ACVR2B: variants seen among roughly 807,000 people sequenced by gnomAD.
ACVR2B encodes activin A receptor type 2B.
In ACVR2B, 18 loss-of-function variants were observed where a neutral mutation model predicts 65.1. That is an observed-to-expected ratio of 0.28 (90% CI 0.19 to 0.41). The LOEUF is 0.41. Ranked by LOEUF, ACVR2B falls within the 10% of genes least tolerant of loss-of-function variation. ACVR2B has a pLI of 1.00. For synonymous variants in ACVR2B, 298 were observed against 277.7 expected (o/e 1.07, Z -0.73); for missense variants, 482 against 682.7 (o/e 0.71, Z 3.28).
rs533978749 is a variant in ACVR2B at position 38,478,126 on chromosome 3, C to T, written c.371-15C>T. ...TGGGCAGACTGTTTGACACAGGGCT[C>T]TGTGTGTCCCCCAGTCACGTACGAG... On this transcript the variant is annotated splice_polypyrimidine_tract_variant and intron_variant, in intron 3 of 10. Coordinates refer to ENST00000352511, the MANE Select transcript of ACVR2B (RefSeq NM_001106.4). The T allele has an allele frequency of 3.1e-6, 5 of 1,611,316 alleles. No individual in the cohort carries two copies. The highest frequency in any genetic ancestry group is 2.2e-5 in the East Asian group (1 of 44,836).
At chr3:38,473,280 A>G (rs1449730035) in intron 1 of ACVR2B, among the ~76,000 whole-genome samples, 1 of 152,008 alleles carries the variant, frequency 6.6e-6, no homozygotes, top group Non-Finnish European at 1.5e-5. Context: ...ATGCTCACTT[A>G]CCTCAGGGCT....
intron 1 of ACVR2B, among the ~76,000 whole-genome samples, chr3:38,459,349 GT>G (rs1169075143): frequency 6.6e-6 from 1 of 152,212 alleles, no homozygotes; most frequent in East Asian, 1.9e-4. Context: ...GAGGCTGTGG[GT>G]GGCTGGGCAG....
chr3:38,459,751 A>G, intron 1 of ACVR2B: 1 of 871,822 alleles, frequency 1.1e-6, no homozygotes, highest in Non-Finnish European at 1.4e-6. Flanking sequence ...GGGCAGGGCC[A>G]GGCTTCCTGC....
chr3:38,468,040 G>A (rs1709761346), intron 1 of ACVR2B, among the ~76,000 whole-genome samples: 2 of 152,018 alleles, frequency 1.3e-5, no homozygotes, highest in Admixed American at 1.3e-4. Flanking sequence ...CACCACAACT[G>A]GCTAATTTTT....
chr3:38,482,412 GCT>G lies in ACVR2B; in HGVS notation c.1214-11_1214-10del. 6.2e-7 allele frequency: 1 copy of G among 1,611,534 alleles called. No individual in the cohort carries two copies. The highest frequency in any genetic ancestry group is 8.5e-7 in the Non-Finnish European group (1 of 1,179,572). On this transcript the variant is annotated splice_polypyrimidine_tract_variant and intron_variant, in intron 9 of 10. Coordinates refer to ENST00000352511, the MANE Select transcript of ACVR2B (RefSeq NM_001106.4). ...TGGGACCTTAGAGTGATCCTGCCAG[GCT>G]CTCTCTTTCTCCTAGGACCCGTGGA...
At chr3:38,472,125 C>T (rs1027309905) in intron 1 of ACVR2B, among the ~76,000 whole-genome samples, 5 of 152,176 alleles carry the variant, frequency 3.3e-5, no homozygotes, top group Admixed American at 1.3e-4. Flanking sequence ...ACACTCCAGC[C>T]TTCCTTCCTG....
At chr3:38,472,417 C>T (rs1709833595) in intron 1 of ACVR2B, among the ~76,000 whole-genome samples, 1 of 152,154 alleles carries the variant, frequency 6.6e-6, no homozygotes, top group Admixed American at 6.5e-5. Flanking sequence ...AGAGGGAGAA[C>T]ACTGGCCCTC....
At chr3:38,473,313 G>C (rs1223669600) in intron 1 of ACVR2B, 1 of 152,298 alleles carries the variant, frequency 6.6e-6, no homozygotes, top group African/African-American at 2.4e-5. Flanking sequence ...GCCTAAGGGG[G>C]TACCATAAGC....
At chr3:38,476,248 C>G (rs1438685387) in intron 1 of ACVR2B, 1 of 152,164 alleles carries the variant, frequency 6.6e-6, no homozygotes. Context: ...TGTTTGAAAT[C>G]AAGTTTGAAG....
chr3:38,474,568 C>G (rs1487077295), intron 1 of ACVR2B: 1 of 152,238 alleles, frequency 6.6e-6, no homozygotes, highest in East Asian at 1.9e-4. Flanking sequence ...TGTCGGCTTT[C>G]CAGTCTTGTG....
intron 1 of ACVR2B, chr3:38,476,932 C>T (rs1399422917): frequency 5.2e-6 from 2 of 385,610 alleles, no homozygotes; most frequent in Admixed American, 3.9e-5. Context: ...CCCACCCCCA[C>T]GCAGGAGCCT....
chr3:38,473,056 G>A (rs977548083), intron 1 of ACVR2B, among the ~76,000 whole-genome samples: 4 of 152,186 alleles, frequency 2.6e-5, no homozygotes, highest in African/African-American at 9.7e-5. Context: ...TTTGTGTGAG[G>A]GTCGGGGGTG....
chr3:38,473,270 A>G (rs762146980), intron 1 of ACVR2B, among the ~76,000 whole-genome samples: 1 of 152,120 alleles, frequency 6.6e-6, no homozygotes, highest in Non-Finnish European at 1.5e-5. Flanking sequence ...TCTGGGGGCC[A>G]TGCTCACTTA....
In ACVR2B at chr3:38,454,306, G is replaced by T; in HGVS notation, c.-17G>T. 1 of 1,279,088 alleles carries T rather than the reference G, an allele frequency of 7.8e-7. No homozygotes were observed. Among genetic ancestry groups the T allele is most frequent in the South Asian group, 2.6e-5 (1 of 38,394 alleles). 79.2% of individuals were successfully genotyped at this position (1,279,088 alleles called of 1,614,324 possible). A position where few individuals can be genotyped will look rare whatever the true frequency, so the allele number is the denominator to read the frequency against. On this transcript the variant is annotated 5_prime_UTR_variant, in exon 1 of 11. Coordinates refer to ENST00000352511, the MANE Select transcript of ACVR2B (RefSeq NM_001106.4). ...TGCCCGCGGGCTCCGGGTGTGCGCG[G>T]GGCGGCGCCGCGGAACATGACGGCG...
At chr3:38,454,434 C>G in intron 1 of ACVR2B, 60 bp downstream of exon 1, 1 of 1,216,918 alleles carries the variant, frequency 8.2e-7, no homozygotes, top group Non-Finnish European at 1.0e-6. Context: ...CCTCTGGCGC[C>G]GCGCGGTGTT....
intron 1 of ACVR2B, among the ~76,000 whole-genome samples, chr3:38,460,851 C>G (rs931385988): frequency 3.3e-5 from 5 of 152,228 alleles, no homozygotes; most frequent in African/African-American, 1.2e-4. Flanking sequence ...CAGTTCCACT[C>G]TGACAACCAA....
In ACVR2B at chr3:38,482,468, A is replaced by T. The variant is rs988287106; in HGVS notation, c.1252A>T (p.Ile418Phe). Reference sequence around the variant, plus strand: ...GTACATGCTGCCCTTTGAGGAAGAGATTGGCCAGCACCCTTCGTTGGAGGA... The same window carrying T: ...GTACATGCTGCCCTTTGAGGAAGAGTTTGGCCAGCACCCTTCGTTGGAGGA... ...DEYMLPFEEE[I>F]GQHPSLEELQ... The change falls in exon 10 of 11, where the codon ATT becomes TTT. Residue 418 changes from isoleucine to phenylalanine, a missense_variant. Transcript: ENST00000352511. The T allele has an allele frequency of 1.9e-6, 3 of 1,612,722 alleles. No individual in the cohort carries two copies. The highest frequency in any genetic ancestry group is 4.5e-5 in the East Asian group (2 of 44,836).
rs1430190905 is a variant in ACVR2B, at chr3:38,489,869, A to T, written c.*6537A>T. On this transcript the variant is annotated 3_prime_UTR_variant, in exon 11 of 11. Coordinates refer to ENST00000352511, the MANE Select transcript of ACVR2B (RefSeq NM_001106.4). ...ATTACCCAGTTAAGTAATTGTTCAG[A>T]AAAGTGGGGAGGGTGGCATGTGGAT... 6.6e-6 allele frequency: 1 copy of T among 152,204 alleles called. No homozygotes were observed. Among genetic ancestry groups the T allele is most frequent in the East Asian group, 1.9e-4 (1 of 5,200 alleles). The allele number at this position is 152,204 out of a possible 1,614,324, so 9.4% of individuals were successfully genotyped here. A position where few individuals can be genotyped will look rare whatever the true frequency, so the allele number is the denominator to read the frequency against.
At chr3:38,468,956 G>A (rs1483057441) in intron 1 of ACVR2B, among the ~76,000 whole-genome samples, 1 of 152,158 alleles carries the variant, frequency 6.6e-6, no homozygotes, top group Non-Finnish European at 1.5e-5. Context: ...CTGGAAAAAG[G>A]CATGTATTTC....
Sources: gnomAD v4.1 joint callset for allele counts (sites outside exome capture counted in the v4.1 genomes callset) on GRCh38, gnomAD v4.1.1 for gene constraint, MANE v1.5 for transcripts, NCBI Gene and HGNC (gene_info 2026-07-23, HGNC 2026-07-21) for gene names.